The following HMCN1 variants were observed in gnomAD, a reference collection of about 807,000 sequenced individuals.
HMCN1 encodes hemicentin 1, also known as hemicentin-1.
Under a neutral mutation model 625.9 loss-of-function variants are expected in HMCN1, and 321 were observed. The observed-to-expected ratio is 0.51, with a 90% CI of 0.47 to 0.56. HMCN1 has a LOEUF of 0.56. Ranked by LOEUF, HMCN1 falls within the 20% of genes least tolerant of loss-of-function variation. The pLI is 0.00. For synonymous variants in HMCN1, 2,425 were observed against 2,417.6 expected (o/e 1.00, Z -0.09); for missense variants, 6,588 against 6,887.3 (o/e 0.96, Z 1.54).
At chr1:185,956,276 C>A (rs997648430) in intron 11 of HMCN1, among the ~76,000 whole-genome samples, 2 of 152,024 alleles carry the variant, frequency 1.3e-5, no homozygotes, top group Admixed American at 1.3e-4. Flanking sequence ...CTGAAACTAT[C>A]TAGATCCCAC....
At chr1:185,849,636 A>G (rs578031281) in intron 2 of HMCN1, among the ~76,000 whole-genome samples, 1 of 152,352 alleles carries the variant, frequency 6.6e-6, no homozygotes, top group Non-Finnish European at 1.5e-5. Flanking sequence ...AGTAATGAGC[A>G]TAATTGAGGC....
At chr1:185,755,656 C>T (rs894672190) in intron 1 of HMCN1, among the ~76,000 whole-genome samples, 1 of 152,148 alleles carries the variant, frequency 6.6e-6, no homozygotes, top group Non-Finnish European at 1.5e-5. Flanking sequence ...AACACAACTG[C>T]TCTAAAAACC....
intron 1 of HMCN1, among the ~76,000 whole-genome samples, chr1:185,844,513 A>AATTAATT (rs1363787161): frequency 1.6e-4 from 25 of 152,316 alleles, no homozygotes; most frequent in African/African-American, 5.5e-4. Context: ...TTGGCTAATT[A>AATTAATT]ATTATTATTC....
At chr1:185,853,272 A>C (rs988979983) in intron 2 of HMCN1, among the ~76,000 whole-genome samples, 1 of 152,168 alleles carries the variant, frequency 6.6e-6, no homozygotes, top group Non-Finnish European at 1.5e-5. Flanking sequence ...ACCAAAAATT[A>C]CCAAGTAGCA....
At chr1:186,093,392 AT>A (rs1363197344) in intron 65 of HMCN1, 93 bp from the exon 66 acceptor site, 4 of 1,586,022 alleles carry the variant, frequency 2.5e-6, no homozygotes, top group Non-Finnish European at 3.5e-6. Context: ...TTGGGCTACA[AT>A]TTTGAAATGA....
In HMCN1 at chr1:186,087,294, G is replaced by C. The variant is rs1275820898; in HGVS notation, c.9124G>C (p.Gly3042Arg). The change falls in exon 59 of 107, where the codon GGC (glycine) becomes CGC (arginine). Residue 3042 changes from glycine (G) to arginine (R), a missense_variant. Around this residue, in one of 3 missense-constraint regions of HMCN1, gnomAD observed 4,628 missense variants for 4,853.1 expected, o/e 0.95. Transcript: ENST00000271588. ...EYTCIAINQA[G>R]ESKKKFSLTV... ...CACTTGTATAGCTATCAATCAAGCT[G>C]GCGAAAGCAAGAAAAAGTTTTCCCT... The C allele has an allele frequency of 6.2e-7, 1 of 1,613,140 alleles. No homozygotes were observed. Among genetic ancestry groups the C allele is most frequent in the Admixed American group, 1.7e-5 (1 of 59,912 alleles).
intron 24 of HMCN1, 36 bp downstream of exon 24, chr1:185,995,123 G>A: frequency 1.9e-6 from 3 of 1,598,904 alleles, no homozygotes; most frequent in Non-Finnish European, 2.6e-6. Flanking sequence ...TGTATGTAGG[G>A]TGGGGAGTGA....
At chr1:185,743,154 AGTT>A (rs1190850675) in intron 1 of HMCN1, among the ~76,000 whole-genome samples, 1 of 152,226 alleles carries the variant, frequency 6.6e-6, no homozygotes, top group Admixed American at 6.5e-5. Context: ...CCAAAAGACT[AGTT>A]GATTTATCTT....
chr1:185,807,694 T>G (rs932075467), intron 1 of HMCN1, among the ~76,000 whole-genome samples: 3 of 152,240 alleles, frequency 2.0e-5, no homozygotes, highest in African/African-American at 4.8e-5. Flanking sequence ...AAGCCTTGCA[T>G]TCTTGTCTTT....
intron 1 of HMCN1, among the ~76,000 whole-genome samples, chr1:185,738,809 A>C (rs1482936536): frequency 1.3e-5 from 2 of 152,238 alleles, no homozygotes; most frequent in East Asian, 1.9e-4. Flanking sequence ...ATAATTCAAA[A>C]AATAGAAAGT....
At chr1:186,091,887 T>G (rs1659861533) in intron 64 of HMCN1, among the ~76,000 whole-genome samples, 3 of 152,024 alleles carry the variant, frequency 2.0e-5, no homozygotes, top group Non-Finnish European at 4.4e-5. Flanking sequence ...ATTCATTGTG[T>G]ATTAAAATTT....
chr1:186,173,608 T>C (rs1297481074), intron 102 of HMCN1, among the ~76,000 whole-genome samples: 1 of 125,298 alleles, frequency 8.0e-6, no homozygotes, highest in Non-Finnish European at 1.6e-5. Context: ...GCCACTGCAC[T>C]CCAGCCTGGG....
intron 69 of HMCN1, among the ~76,000 whole-genome samples, chr1:186,105,538 G>T (rs973364660): frequency 2.6e-5 from 4 of 152,286 alleles, no homozygotes; most frequent in Middle Eastern, 3.4e-3. Flanking sequence ...CCCAAGAGGG[G>T]AGGGGACCAC....
At chr1:186,110,974 A>ATTTTTTTTTTTTTTTTTTTTTTTTTTT (rs778503338) in intron 71 of HMCN1, among the ~76,000 whole-genome samples, 1 of 59,950 alleles carries the variant, frequency 1.7e-5, no homozygotes, top group Non-Finnish European at 2.7e-5. Context: ...ACCAGAGAAA[A>ATTTTTTTTTTTTTTTTTTTTTTTTTTT]TTCTTTTTTT....
chr1:185,982,487 C>A, intron 18 of HMCN1, 98 bp downstream of exon 18: 1 of 1,167,284 alleles, frequency 8.6e-7, no homozygotes, highest in Non-Finnish European at 1.2e-6. Context: ...GTCACCTAGG[C>A]TGGAGTGCAG....
At chr1:185,766,973 A>G (rs1429233195) in intron 1 of HMCN1, among the ~76,000 whole-genome samples, 1 of 151,962 alleles carries the variant, frequency 6.6e-6, no homozygotes, top group Non-Finnish European at 1.5e-5. Context: ...CTAAAATCCT[A>G]GCAGATTTGA....
At chr1:185,763,065 G>A (rs901738321) in intron 1 of HMCN1, among the ~76,000 whole-genome samples, 1 of 152,156 alleles carries the variant, frequency 6.6e-6, no homozygotes, top group Non-Finnish European at 1.5e-5. Flanking sequence ...GTCCAGAAAA[G>A]GGCAGCATTG....
intron 55 of HMCN1, among the ~76,000 whole-genome samples, chr1:186,079,574 A>G (rs1055240149): frequency 2.6e-5 from 4 of 152,168 alleles, no homozygotes; most frequent in Non-Finnish European, 5.9e-5. Flanking sequence ...GCAGGCCTGG[A>G]TGTCTGCCTC....
intron 63 of HMCN1, among the ~76,000 whole-genome samples, chr1:186,090,345 A>G (rs745581291): frequency 3.3e-5 from 5 of 151,994 alleles, no homozygotes; most frequent in Non-Finnish European, 7.4e-5. Flanking sequence ...TCAGACCTTT[A>G]TGCCAAGTTT....
Sources: allele counts gnomAD v4.1 joint callset (sites outside exome capture counted in the v4.1 genomes callset), GRCh38; gene constraint gnomAD v4.1.1; regional missense constraint gnomAD v4.1.1; transcripts MANE v1.5; gene names NCBI Gene and HGNC (gene_info 2026-07-23, HGNC 2026-07-21).